Variants in PRDM5 observed in about 807,000 individuals in gnomAD.
PRDM5 encodes PR/SET domain 5.
In PRDM5, 56 loss-of-function variants were observed where a neutral mutation model predicts 81.2. The ratio of observed to expected loss-of-function variants is 0.69; its 90% CI spans 0.56 to 0.86. The LOEUF (loss-of-function observed/expected upper bound fraction) is 0.86, where lower values mean the gene tolerates loss of function less well. Ranked by LOEUF, PRDM5 falls within the 40% of genes least tolerant of loss-of-function variation. The pLI is 0.00. For missense variants in PRDM5, 697 were observed against 770.1 expected, an observed-to-expected ratio of 0.91 and a Z score of 1.12; for synonymous variants, 267 against 256.4, an observed-to-expected ratio of 1.04 and a Z score of -0.39.
intron 1 of PRDM5, among the ~76,000 whole-genome samples, chr4:120,913,665 C>T (rs2148702415): frequency 6.6e-6 from 1 of 152,322 alleles, no homozygotes; most frequent in Admixed American, 6.5e-5. Flanking sequence ...CTACTACTAG[C>T]ATCTGTGGGC....
In PRDM5 at chr4:120,816,857, T is replaced by C; in HGVS notation, c.718A>G (p.Asn240Asp). 6.2e-7 allele frequency: 1 copy of C among 1,613,866 alleles called. No individual in the cohort carries two copies. Among genetic ancestry groups the C allele is most frequent in the South Asian group, 1.1e-5 (1 of 91,080 alleles). ...SSRSFQCSVCNSSFSSASSFE... is the reference protein window; with the variant it reads ...SSRSFQCSVCDSSFSSASSFE... Reference sequence around the variant, plus strand: ...CTCGATGCTGAACTGAAGGAAGAATTGCAAACAGAGCACTGAAAACTTCGC... The same window carrying C: ...CTCGATGCTGAACTGAAGGAAGAATCGCAAACAGAGCACTGAAAACTTCGC... The change falls in exon 6 of 16, where the codon AAT becomes GAT. Residue 240 changes from asparagine (N) to aspartate (D), a missense_variant. Transcript: ENST00000264808.
intron 14 of PRDM5, among the ~76,000 whole-genome samples, chr4:120,718,479 T>TTAAAAGAAAATC (rs1430319128): frequency 6.6e-6 from 1 of 152,180 alleles, no homozygotes; most frequent in Non-Finnish European, 1.5e-5. Context: ...ATTTCTAAAT[T>TTAAAAGAAAATC]TAAAAGAAAA....
At chr4:120,866,262 C>A (rs1317686114) in intron 2 of PRDM5, among the ~76,000 whole-genome samples, 1 of 152,190 alleles carries the variant, frequency 6.6e-6, no homozygotes, top group Non-Finnish European at 1.5e-5. Flanking sequence ...ACATCCACTG[C>A]CTGGAGCAGG....
At position 120,909,429 on chromosome 4, in the gene PRDM5, A is replaced by T. The variant is rs572762976; in HGVS notation, c.94-1872T>A. ...AAGCCAATCTAGAAAACAGACCAAA[A>T]AATAAGGTGTGTTTTCTGTAATAAA... is the stretch of plus-strand genomic sequence containing the variant. On this transcript the variant is annotated intron_variant, in intron 1 of 15. Coordinates refer to ENST00000264808, the MANE Select transcript of PRDM5 (RefSeq NM_018699.4). 1.9e-4 allele frequency among the ~76,000 whole-genome samples: 29 copies of T among 152,288 alleles called. No homozygotes were observed. In the East Asian group the frequency reaches 5.6e-3, roughly 29 times the overall value.
At chr4:120,775,380 G>A (rs1748002699) in intron 13 of PRDM5, among the ~76,000 whole-genome samples, 2 of 152,064 alleles carry the variant, frequency 1.3e-5, no homozygotes, top group Non-Finnish European at 2.9e-5. Flanking sequence ...TAGTGTAAGT[G>A]CTTTATTCTT....
At chr4:120,848,786 G>A (rs780520786) in intron 3 of PRDM5, among the ~76,000 whole-genome samples, 2 of 152,092 alleles carry the variant, frequency 1.3e-5, no homozygotes, top group Non-Finnish European at 2.9e-5. Context: ...GACCAAAGTA[G>A]AGCAGGTATT....
chr4:120,831,232 A>G (rs1222801855), intron 3 of PRDM5, among the ~76,000 whole-genome samples: 3 of 152,098 alleles, frequency 2.0e-5, no homozygotes, highest in African/African-American at 4.8e-5. Flanking sequence ...CTTTATTTAC[A>G]TCAGAAGCTC....
chr4:120,798,402 C>G lies in PRDM5; in HGVS notation c.1053G>C (p.Glu351Asp), dbSNP rs1418339073. ...GCCTCTTGAAAGACTTATTACAAAT[C>G]TCGCAATTATAGGGTCGTTTTTCTA... ...THSEKRPYNC[E>D]ICNKSFKRLD... Residue 351 changes from glutamate to aspartate, a missense_variant, in exon 10 of 16, where the codon GAG (glutamate) becomes GAC (aspartate). By Grantham distance (45) the Glu-to-Asp change is conservative (BLOSUM62 2). Transcript: ENST00000264808. 2 of 1,610,700 alleles carry G rather than the reference C, an allele frequency of 1.2e-6. No homozygotes were observed. The highest frequency in any genetic ancestry group is 1.7e-6 in the Non-Finnish European group (2 of 1,177,662).
chr4:120,890,915 T>G (rs962668359), intron 2 of PRDM5, among the ~76,000 whole-genome samples: 1 of 152,190 alleles, frequency 6.6e-6, no homozygotes, highest in Non-Finnish European at 1.5e-5. Flanking sequence ...TCTCCCCTTC[T>G]GCAGGCTGTC....
intron 2 of PRDM5, among the ~76,000 whole-genome samples, chr4:120,891,675 T>G (rs1764061908): frequency 6.6e-6 from 1 of 152,170 alleles, no homozygotes; most frequent in Non-Finnish European, 1.5e-5. Flanking sequence ...AGTCTCACTG[T>G]GTCACCCAGA....
downstream of PRDM5, among the ~76,000 whole-genome samples, chr4:120,691,660 C>A (rs1734059576): frequency 6.6e-6 from 1 of 151,972 alleles, no homozygotes; most frequent in African/African-American, 2.4e-5. Context: ...TCACATTGTT[C>A]TTTGTATAAC....
At chr4:120,732,129 G>A (rs925623528) in intron 14 of PRDM5, among the ~76,000 whole-genome samples, 2 of 152,122 alleles carry the variant, frequency 1.3e-5, no homozygotes, top group African/African-American at 4.8e-5. Flanking sequence ...TTTACCATAT[G>A]GAGGTCATCT....
chr4:120,919,969 G>A (rs1724688383), intron 1 of PRDM5, among the ~76,000 whole-genome samples: 2 of 152,032 alleles, frequency 1.3e-5, no homozygotes, highest in Admixed American at 6.6e-5. Flanking sequence ...AAAAATCAGA[G>A]GCAACAGACC....
At chr4:120,807,012 C>T (rs1316591174) in intron 8 of PRDM5, among the ~76,000 whole-genome samples, 1 of 151,932 alleles carries the variant, frequency 6.6e-6, no homozygotes, top group African/African-American at 2.4e-5. Flanking sequence ...AGAAAAAAAA[C>T]AAACAACCCC....
intron 15 of PRDM5, among the ~76,000 whole-genome samples, chr4:120,699,030 CAAAAT>C (rs1042782629): frequency 1.3e-5 from 2 of 150,906 alleles, no homozygotes; most frequent in African/African-American, 4.9e-5. Context: ...AGGATAAAGA[CAAAAT>C]AAATATTTTA....
In PRDM5 at chr4:120,866,660, CT is replaced by C. The variant is rs1761227585; in HGVS notation, c.178-13121del. 2.6e-5 allele frequency among the ~76,000 whole-genome samples: 4 copies of C among 152,272 alleles called. No homozygotes were observed. In the South Asian group the frequency reaches 8.3e-4, roughly 32 times the overall value. The stretch of plus-strand genomic sequence containing the variant: ...AAAGGTTTCACAGCTGTTACTGGAG[CT>C]AGGGATTGAACCAAGATGATGTGAT... On this transcript the variant is annotated intron_variant, in intron 2 of 15. Coordinates refer to ENST00000264808, the MANE Select transcript of PRDM5 (RefSeq NM_018699.4).
At chr4:120,749,060 C>T (rs908842282) in intron 14 of PRDM5, among the ~76,000 whole-genome samples, 6 of 152,088 alleles carry the variant, frequency 3.9e-5, no homozygotes, top group Admixed American at 3.9e-4. Flanking sequence ...AATCACTATT[C>T]ATAGGATGTG....
rs1469938777 is a variant in PRDM5, at chr4:120,693,197, G to A, written c.*1914C>T. 6.6e-6 allele frequency: 1 copy of A among 151,988 alleles called. No individual in the cohort carries two copies. The highest frequency in any genetic ancestry group is 1.5e-5 in the Non-Finnish European group (1 of 67,988). 9.4% of individuals were successfully genotyped at this position (151,988 alleles called of 1,614,324 possible). A position where few individuals can be genotyped will look rare whatever the true frequency, so the allele number is the denominator to read the frequency against. On this transcript the variant is annotated 3_prime_UTR_variant, in exon 16 of 16. Coordinates refer to ENST00000264808, the MANE Select transcript of PRDM5 (RefSeq NM_018699.4). Reference sequence around the variant, plus strand: ...AGCCATGTGAACTGTGACTCACTGAGATTACACAAAATTGGAATTTGGACT... The same window carrying A: ...AGCCATGTGAACTGTGACTCACTGAAATTACACAAAATTGGAATTTGGACT...
downstream of PRDM5, among the ~76,000 whole-genome samples, chr4:120,689,415 T>C (rs1733955180): frequency 6.6e-6 from 1 of 151,980 alleles, no homozygotes; most frequent in Non-Finnish European, 1.5e-5. Flanking sequence ...ATATTCTTTT[T>C]TTTTTCTGGA....
Sources: gnomAD v4.1 joint callset for allele counts (sites outside exome capture counted in the v4.1 genomes callset) on GRCh38, gnomAD v4.1.1 for gene constraint, MANE v1.5 for transcripts, NCBI Gene and HGNC (gene_info 2026-07-23, HGNC 2026-07-21) for gene names.